Variants in ADAMTS12 observed in about 807,000 individuals in gnomAD.
The protein encoded by ADAMTS12 is A disintegrin and metalloproteinase with thrombospondin motifs 12.
A neutral mutation model predicts 167.8 loss-of-function variants in ADAMTS12; 118 were observed. That is an observed-to-expected ratio of 0.70 (90% CI 0.61 to 0.82). The LOEUF is 0.82. Among genes scored for constraint, ADAMTS12 ranks in the 40% least tolerant of loss-of-function variants. ADAMTS12 has a pLI of 0.00. For missense variants in ADAMTS12, 1,916 were observed against 1,998.8 expected (o/e 0.96, Z 0.79); for synonymous variants, 704 against 716.9 (o/e 0.98, Z 0.29).
chr5:33,709,086 C>G (rs1412621888), intron 3 of ADAMTS12, among the ~76,000 whole-genome samples: 1 of 151,764 alleles, frequency 6.6e-6, no homozygotes, highest in African/African-American at 2.4e-5. Flanking sequence ...TTTATGCAGC[C>G]AACAAACATG....
At chr5:33,809,573 T>A (rs1747370827) in intron 2 of ADAMTS12, among the ~76,000 whole-genome samples, 1 of 152,186 alleles carries the variant, frequency 6.6e-6, no homozygotes, top group Admixed American at 6.5e-5. Flanking sequence ...AATCTGAGGA[T>A]TGAGCCTCTC....
intron 1 of ADAMTS12, 118 bp from the exon 2 acceptor site, chr5:33,881,598 GT>G: frequency 7.1e-7 from 1 of 1,411,864 alleles, no homozygotes; most frequent in Non-Finnish European, 9.4e-7. Context: ...TTTTGCTCTT[GT>G]TTCCCAGGCT....
At chr5:33,689,299 T>C (rs572759969) in intron 3 of ADAMTS12, among the ~76,000 whole-genome samples, 1 of 152,236 alleles carries the variant, frequency 6.6e-6, no homozygotes, top group East Asian at 1.9e-4. Context: ...GGACCAGCAT[T>C]TTAGCTGGTT....
intron 2 of ADAMTS12, among the ~76,000 whole-genome samples, chr5:33,783,001 C>T (rs1746194303): frequency 6.6e-6 from 1 of 151,976 alleles, no homozygotes; most frequent in Admixed American, 6.6e-5. Flanking sequence ...AACTATTCTC[C>T]AGGGTAGACC....
chr5:33,749,538 A>AC (rs1384055835), intron 3 of ADAMTS12, among the ~76,000 whole-genome samples: 13 of 152,270 alleles, frequency 8.5e-5, no homozygotes, highest in African/African-American at 2.6e-4. Context: ...TTTCTCTACC[A>AC]CATACTCTCT....
chr5:33,679,981 T>C (rs1742049970), intron 5 of ADAMTS12, among the ~76,000 whole-genome samples: 1 of 152,232 alleles, frequency 6.6e-6, no homozygotes. Context: ...ATCATTGCTG[T>C]CTGTTGTTGA....
chr5:33,745,176 A>G (rs1229003197), intron 3 of ADAMTS12, among the ~76,000 whole-genome samples: 1 of 151,948 alleles, frequency 6.6e-6, no homozygotes, highest in African/African-American at 2.4e-5. Context: ...TGATGACTCT[A>G]TGGGTGAGGG....
intron 23 of ADAMTS12, 82 bp from the exon 24 acceptor site, chr5:33,527,448 G>A: frequency 7.6e-7 from 1 of 1,319,014 alleles, no homozygotes. Flanking sequence ...ATTAATGTAA[G>A]ACTTTATATG....
intron 16 of ADAMTS12, 115 bp downstream of exon 16, chr5:33,614,123 A>G: frequency 7.2e-7 from 1 of 1,393,452 alleles, no homozygotes; most frequent in Non-Finnish European, 9.6e-7. Flanking sequence ...TGGCCATCTC[A>G]GTGGAGCCCT....
chr5:33,872,423 T>C (rs1297775653), intron 2 of ADAMTS12, among the ~76,000 whole-genome samples: 1 of 151,998 alleles, frequency 6.6e-6, no homozygotes, highest in African/African-American at 2.4e-5. Context: ...GGCACACCCC[T>C]GTAGTCCCAG....
In ADAMTS12 at chr5:33,762,507, C is replaced by CA. The variant is rs202200886; in HGVS notation, c.490-10960dup. Among the ~76,000 whole-genome samples, 79 of 144,182 alleles carry CA rather than the reference C, an allele frequency of 5.5e-4. 1 individual carries two copies. Among genetic ancestry groups the CA allele is most frequent in the Middle Eastern group, 7.3e-3 (2 of 274 alleles). The allele number at this position is 144,182 out of a possible 152,430, so 94.6% of individuals were successfully genotyped here. A position where few individuals can be genotyped will look rare whatever the true frequency, so the allele number is the denominator to read the frequency against. ...TGGGCAGCATAGTGAGACTCCACCT[C>CA]AAAAAAAAATAAATAAATAAATAAA... On this transcript the variant is annotated intron_variant, in intron 2 of 23. Transcript: ENST00000504830.
rs187534955 is a variant in ADAMTS12, at chr5:33,812,781, A to G, written c.490-61233T>C. On this transcript the variant is annotated intron_variant, in intron 2 of 23. Coordinates refer to ENST00000504830, the MANE Select transcript of ADAMTS12 (RefSeq NM_030955.4). ...CATTTATCCATTCAATTATTGATGG[A>G]TATTAGGCTTGTTTTCAATTTGGAC... 2.6e-5 allele frequency among the ~76,000 whole-genome samples: 4 copies of G among 152,298 alleles called. No homozygotes were observed. In the East Asian group the frequency reaches 7.7e-4, roughly 29 times the overall value.
chr5:33,686,236 T>C (rs575798820), intron 3 of ADAMTS12, among the ~76,000 whole-genome samples: 1 of 152,162 alleles, frequency 6.6e-6, no homozygotes, highest in South Asian at 2.1e-4. Context: ...AGGCTCAGCC[T>C]CCCTCCCCTG....
chr5:33,749,243 A>G (rs186218655), intron 3 of ADAMTS12, among the ~76,000 whole-genome samples: 1 of 152,302 alleles, frequency 6.6e-6, no homozygotes, highest in East Asian at 1.9e-4. Flanking sequence ...TGTGAGAATT[A>G]TTGATGAAAC....
intron 12 of ADAMTS12, among the ~76,000 whole-genome samples, chr5:33,633,494 T>C (rs908315331): frequency 8.6e-5 from 13 of 151,806 alleles, no homozygotes; most frequent in African/African-American, 3.1e-4. Context: ...GCTGCAACTC[T>C]CCCAGAGCTC....
At position 33,793,568 on chromosome 5, in the gene ADAMTS12, T is replaced by C. The variant is rs573102935; in HGVS notation, c.490-42020A>G. 1.1e-4 allele frequency among the ~76,000 whole-genome samples: 17 copies of C among 152,346 alleles called. No homozygotes were observed. In the South Asian group the frequency reaches 3.5e-3, roughly 32 times the overall value. On this transcript the variant is annotated intron_variant, in intron 2 of 23. Coordinates refer to ENST00000504830, the MANE Select transcript of ADAMTS12 (RefSeq NM_030955.4). Reference sequence around the variant, plus strand: ...CATTTTTTAAATTGAATTTAAGATTTTTTGAAATGAGAGACTGTATTGGAT... The same window carrying C: ...CATTTTTTAAATTGAATTTAAGATTCTTTGAAATGAGAGACTGTATTGGAT...
At chr5:33,760,920 T>TGCGC (rs1554040722) in intron 2 of ADAMTS12, among the ~76,000 whole-genome samples, 27 of 146,280 alleles carry the variant, frequency 1.8e-4, no homozygotes, top group East Asian at 5.9e-4. Flanking sequence ...TGTGTGTGTG[T>TGCGC]GCGTATGCGC....
At position 33,653,365 on chromosome 5, in the gene ADAMTS12, A is replaced by T. The variant is rs1579802434; in HGVS notation, c.1191-3668T>A. On this transcript the variant is annotated intron_variant, in intron 7 of 23. Transcript: ENST00000504830. ...GCTTTGCATCCCTGAAATAAATCCC[A>T]CTTGGTCATTGTGTCTAATTCTTTT... is the stretch of plus-strand genomic sequence containing the variant. 2.6e-5 allele frequency among the ~76,000 whole-genome samples: 4 copies of T among 152,022 alleles called. 1 individual carries two copies. In the South Asian group the frequency reaches 8.3e-4, roughly 32 times the overall value.
At chr5:33,807,135 A>G (rs1045268479) in intron 2 of ADAMTS12, among the ~76,000 whole-genome samples, 1 of 152,158 alleles carries the variant, frequency 6.6e-6, no homozygotes, top group Non-Finnish European at 1.5e-5. Context: ...TTTCAGCAAT[A>G]TTAGACTTTT....
Sources: gnomAD v4.1 joint callset for allele counts (sites outside exome capture counted in the v4.1 genomes callset) on GRCh38, gnomAD v4.1.1 for gene constraint, MANE v1.5 for transcripts, NCBI Gene and HGNC (gene_info 2026-07-23, HGNC 2026-07-21) for gene names.